The following PCMTD2 variants were observed in gnomAD, a reference collection of about 807,000 sequenced individuals.
The protein encoded by PCMTD2 is protein-L-isoaspartate (D-aspartate) O-methyltransferase domain containing 2, also known as protein-L-isoaspartate O-methyltransferase domain-containing protein 2.
In PCMTD2, 16 loss-of-function variants were observed where a neutral mutation model predicts 33.4. The ratio of observed to expected loss-of-function variants is 0.48; its 90% confidence interval spans 0.32 to 0.73. The LOEUF (loss-of-function observed/expected upper bound fraction) is 0.73. PCMTD2 is among the 30% of genes least tolerant of loss of function. PCMTD2 has a pLI of 0.03. For missense variants in PCMTD2, 374 were observed against 449.9 expected, an observed-to-expected ratio of 0.83 and a Z score of 1.53; for synonymous variants, 161 against 160.8, an observed-to-expected ratio of 1.00 and a Z score of -0.01.
rs1267441727 is a variant in PCMTD2 at position 64,273,416 on chromosome 20, G to C, written c.902G>C (p.Arg301Pro). ...VFLDKEVFAS[R>P]ISNPSDDNSC... ...TTGGACAAAGAAGTCTTTGCCAGTC[G>C]GATTTCCAACCCCTCAGATGACAAC... Residue 301 changes from arginine (R) to proline (P), a missense_variant, in exon 6 of 6, where the codon CGG becomes CCG. Physicochemically the swap from Arg to Pro is moderately radical, Grantham distance 103 (BLOSUM62 -2). Transcript: ENST00000308824. The C allele has an allele frequency of 6.2e-7, 1 of 1,614,080 alleles. No homozygotes were observed. Among genetic ancestry groups the C allele is most frequent in the South Asian group, 1.1e-5 (1 of 91,074 alleles).
At position 64,268,022 on chromosome 20, in the gene PCMTD2, A is replaced by T; in HGVS notation, c.706+12A>T. On this transcript the variant is annotated intron_variant, in intron 5 of 5. Transcript: ENST00000308824. ...ACTTGTCCAGTTACGTAAGTATACC[A>T]ATCTTTACTTATTTTATCTTTTAGA... The T allele has an allele frequency of 6.3e-7, 1 of 1,591,290 alleles. No homozygotes were observed. The highest frequency in any genetic ancestry group is 8.6e-7 in the Non-Finnish European group (1 of 1,166,124).
chr20:64,259,996 A>T lies in PCMTD2; in HGVS notation c.31A>T (p.Asn11Tyr). The T allele has an allele frequency of 6.2e-7, 1 of 1,613,042 alleles. No homozygotes were observed. Among genetic ancestry groups the T allele is most frequent in the Non-Finnish European group, 8.5e-7 (1 of 1,179,024 alleles). Reference sequence around the variant, plus strand: ...CGGTGCTGTGAGTGCTGGTGAAGACAATGATGAGCTGATAGATAATTTGAA... The same window carrying T: ...CGGTGCTGTGAGTGCTGGTGAAGACTATGATGAGCTGATAGATAATTTGAA... MGGAVSAGED[N>Y]DELIDNLKEA... Residue 11 changes from asparagine to tyrosine, a missense_variant, in exon 2 of 6, where the codon AAT becomes TAT. Physicochemically the swap from Asn to Tyr is moderately radical, Grantham distance 143 (BLOSUM62 -2). Transcript: ENST00000308824.
chr20:64,260,266 A>G lies in PCMTD2; in HGVS notation c.301A>G (p.Ile101Val). The G allele has an allele frequency of 6.2e-7, 1 of 1,605,304 alleles. No homozygotes were observed. Among genetic ancestry groups the G allele is most frequent in the Non-Finnish European group, 8.5e-7 (1 of 1,172,286 alleles). Residue 101 changes from isoleucine (I) to valine (V), a missense_variant, in exon 2 of 6, where the codon ATT becomes GTT. By Grantham distance (29) the Ile-to-Val change is conservative. Coordinates refer to ENST00000308824, the MANE Select transcript of PCMTD2 (RefSeq NM_018257.3). ...GTATCTCAGCTCCATGGTGGGCCTC[A>G]TTCTAGGTAAGTGTGGAAGGAGAGT... ...TGYLSSMVGL[I>V]LGPFGVNHGV...
rs1985988580 is a variant in PCMTD2 at position 64,273,393 on chromosome 20, G to A, written c.879G>A (p.Leu293=). Residue 293 remains leucine (L), a synonymous_variant, in exon 6 of 6, where the codon TTG becomes TTA. Transcript: ENST00000308824. ...GTCGAATGGAAACGATTGTCTTTTT[G>A]GACAAAGAAGTCTTTGCCAGTCGGA... ...RRRRMETIVF[L]DKEVFASRIS... is the part of the protein sequence containing the mutation. 1 of 1,613,912 alleles carries A rather than the reference G, an allele frequency of 6.2e-7. No individual in the cohort carries two copies. The highest frequency in any genetic ancestry group is 8.5e-7 in the Non-Finnish European group (1 of 1,179,850).
chr20:64,263,027 G>A (rs17491728), intron 2 of PCMTD2: 35,749 of 152,128 alleles, frequency 0.23, 4,555 homozygotes, highest in South Asian at 0.35. Flanking sequence ...CTACTGTTTG[G>A]TGTTAAGCTT....
intron 5 of PCMTD2, among the ~76,000 whole-genome samples, chr20:64,269,660 G>GT (rs779980758): frequency 1.3e-5 from 2 of 150,578 alleles, no homozygotes; most frequent in East Asian, 2.0e-4. Flanking sequence ...TGTGGGGTGT[G>GT]TAAGTTTAGA....
chr20:64,273,081 C>T, intron 5 of PCMTD2, 140 bp from the exon 6 acceptor site: 3 of 652,590 alleles, frequency 4.6e-6, no homozygotes, highest in Non-Finnish European at 7.8e-6. Context: ...TTGACATTTG[C>T]TTAGCATGCT....
At chr20:64,259,807 A>T (rs1224639315) in intron 1 of PCMTD2, 135 bp from the exon 2 acceptor site, 1 of 561,626 alleles carries the variant, frequency 1.8e-6, no homozygotes, top group Non-Finnish European at 3.1e-6. Flanking sequence ...GGGGCAGGGG[A>T]TGAGGTGGGT....
At position 64,261,699 on chromosome 20, in the gene PCMTD2, AGT is replaced by A. The variant is rs546157041; in HGVS notation, c.307+1432_307+1433del. 1.8e-4 allele frequency among the ~76,000 whole-genome samples: 27 copies of A among 152,236 alleles called. No individual in the cohort carries two copies. In the South Asian group the frequency reaches 2.1e-3, roughly 12 times the overall value. On this transcript the variant is annotated intron_variant, in intron 2 of 5. Coordinates refer to ENST00000308824, the MANE Select transcript of PCMTD2 (RefSeq NM_018257.3). ...ATAGATTGCTACCTTCAGGTGTAAA[AGT>A]GTGTAGATTTTTATAATGCTTTTTG...
At chr20:64,272,151 G>A (rs947183465) in intron 5 of PCMTD2, 1 of 369,930 alleles carries the variant, frequency 2.7e-6, no homozygotes, top group African/African-American at 2.6e-5. Flanking sequence ...CACTACCAGG[G>A]GCCTGGGACA....
At chr20:64,270,513 G>A (rs1024258707) in intron 5 of PCMTD2, among the ~76,000 whole-genome samples, 1 of 150,444 alleles carries the variant, frequency 6.6e-6, no homozygotes, top group Non-Finnish European at 1.5e-5. Flanking sequence ...GAGTTCCGGC[G>A]TGCACGATGT....
intron 4 of PCMTD2, among the ~76,000 whole-genome samples, chr20:64,266,490 C>T (rs1174338662): frequency 6.6e-6 from 1 of 151,974 alleles, no homozygotes; most frequent in East Asian, 1.9e-4. Context: ...AGCTCCTGAC[C>T]TCATGATCCG....
intron 5 of PCMTD2, among the ~76,000 whole-genome samples, chr20:64,272,761 A>G (rs1292644888): frequency 6.6e-6 from 1 of 152,210 alleles, no homozygotes; most frequent in East Asian, 1.9e-4. Context: ...CGGAGGTTGC[A>G]GTAAGTCGAG....
intron 1 of PCMTD2, among the ~76,000 whole-genome samples, chr20:64,259,496 C>A (rs1488279063): frequency 6.9e-6 from 1 of 145,032 alleles, no homozygotes; most frequent in Non-Finnish European, 1.5e-5. Flanking sequence ...TCAAGTGATT[C>A]TTCTCCCTCA....
chr20:64,259,737 T>G, intron 1 of PCMTD2: 1 of 558,196 alleles, frequency 1.8e-6, no homozygotes, highest in Non-Finnish European at 3.1e-6. Flanking sequence ...GTATTGTTGT[T>G]TACCTTAATT....
rs541271320 is a variant in PCMTD2 at position 64,275,692 on chromosome 20, A to G, written c.*2092A>G. Reference sequence around the variant, plus strand: ...CTTATACCAGAATTCAGTATAATACACTACTTTCTGTTTTCAAACAGATAA... The same window carrying G: ...CTTATACCAGAATTCAGTATAATACGCTACTTTCTGTTTTCAAACAGATAA... On this transcript the variant is annotated 3_prime_UTR_variant, in exon 6 of 6. Transcript: ENST00000308824. The G allele has an allele frequency of 1.3e-5, 2 of 152,332 alleles. No individual in the cohort carries two copies. The highest frequency in any genetic ancestry group is 6.5e-5 in the Admixed American group (1 of 15,300). 9.4% of individuals were successfully genotyped at this position (152,332 alleles called of 1,614,324 possible). A position where few individuals can be genotyped will look rare whatever the true frequency, so the allele number is the denominator to read the frequency against.
intron 2 of PCMTD2, among the ~76,000 whole-genome samples, chr20:64,263,289 G>GT (rs929818030): frequency 4.6e-5 from 7 of 152,166 alleles, no homozygotes; most frequent in Admixed American, 3.9e-4. Flanking sequence ...ACGAGGTAAT[G>GT]TTTTAGCAGC....
chr20:64,273,170 G>GA (rs1985975821), intron 5 of PCMTD2, 51 bp from the exon 6 acceptor site: 2 of 1,518,304 alleles, frequency 1.3e-6, no homozygotes, highest in Non-Finnish European at 1.8e-6. Flanking sequence ...TAGGCGTTGT[G>GA]GTGGTGTCAC....
rs1297958190 is a variant in PCMTD2 at position 64,276,166 on chromosome 20, C to G, written c.*2566C>G. 1 of 152,130 alleles carries G rather than the reference C, an allele frequency of 6.6e-6. No individual in the cohort carries two copies. Among genetic ancestry groups the G allele is most frequent in the East Asian group, 1.9e-4 (1 of 5,188 alleles). The allele number at this position is 152,130 out of a possible 1,614,324, so 9.4% of individuals were successfully genotyped here. A position where few individuals can be genotyped will look rare whatever the true frequency, so the allele number is the denominator to read the frequency against. ...TTTGTATTACTGCTTGATTCTGTGA[C>G]AGTCACAATAGATGTAGAGAAGGCA... On this transcript the variant is annotated 3_prime_UTR_variant, in exon 6 of 6. Transcript: ENST00000308824.
Sources: gnomAD v4.1 joint callset for allele counts (sites outside exome capture counted in the v4.1 genomes callset) on GRCh38, gnomAD v4.1.1 for gene constraint, MANE v1.5 for transcripts, NCBI Gene and HGNC (gene_info 2026-07-23, HGNC 2026-07-21) for gene names.